Variants in TIA1 observed in about 807,000 individuals in gnomAD.
TIA1 encodes TIA1 cytotoxic granule associated RNA binding protein.
A neutral mutation model predicts 65.9 loss-of-function variants in TIA1; 23 were observed. That is an observed-to-expected ratio of 0.35 (90% confidence interval 0.25 to 0.49). The LOEUF (loss-of-function observed/expected upper bound fraction) is 0.49. TIA1 is among the 20% of genes least tolerant of loss of function. The pLI is 0.98. For missense variants in TIA1, 371 were observed against 477.9 expected, an observed-to-expected ratio of 0.78 and a Z score of 2.09; for synonymous variants, 147 against 149.4, an observed-to-expected ratio of 0.98 and a Z score of 0.12.
At chr2:70,214,651 A>AGC in intron 11 of TIA1, among the ~76,000 whole-genome samples, 157 bp from the exon 12 acceptor site, 1 of 143,270 alleles carries the variant, frequency 7.0e-6, no homozygotes, top group South Asian at 2.3e-4. Flanking sequence ...AAAAAAAAAA[A>AGC]AAAAAAACAA....
intron 1 of TIA1, among the ~76,000 whole-genome samples, chr2:70,244,606 C>T (rs954683167): frequency 6.6e-6 from 1 of 151,896 alleles, no homozygotes; most frequent in African/African-American, 2.4e-5. Flanking sequence ...GAGGCTGAGG[C>T]AGGCGGATCG....
At chr2:70,230,966 C>A in intron 2 of TIA1, 112 bp from the exon 3 acceptor site, 3 of 712,126 alleles carry the variant, frequency 4.2e-6, no homozygotes, top group South Asian at 3.9e-5. Context: ...GTTATCAGGC[C>A]ATGGAGAATG....
At chr2:70,224,401 TTAAACAGAC>T (rs1682903981) in intron 7 of TIA1, 144 bp downstream of exon 7, 1 of 1,109,792 alleles carries the variant, frequency 9.0e-7, no homozygotes, top group African/African-American at 1.6e-5. Flanking sequence ...CCAATAAATG[TTAAACAGAC>T]AAAACAGAAG....
At chr2:70,217,173 T>A in intron 7 of TIA1, 179 bp from the exon 8 acceptor site, 1 of 465,820 alleles carries the variant, frequency 2.1e-6, no homozygotes, top group Non-Finnish European at 3.4e-6. Flanking sequence ...TTTTAAATTT[T>A]ATTTTATTTA....
chr2:70,229,815 G>A (rs1269340808), intron 3 of TIA1, among the ~76,000 whole-genome samples: 1 of 151,938 alleles, frequency 6.6e-6, no homozygotes. Flanking sequence ...GTGGGTGCCT[G>A]TCATCCCAGC....
intron 7 of TIA1, among the ~76,000 whole-genome samples, chr2:70,223,046 G>A (rs1011080931): frequency 2.0e-5 from 3 of 152,342 alleles, no homozygotes; most frequent in Non-Finnish European, 2.9e-5. Flanking sequence ...TTTGACTCTA[G>A]TTCATACTAA....
At chr2:70,217,194 T>C in intron 7 of TIA1, 200 bp from the exon 8 acceptor site, 2 of 384,654 alleles carry the variant, frequency 5.2e-6, no homozygotes, top group East Asian at 4.9e-5. Context: ...TTTTTTCAGA[T>C]AGAGTCTCGC....
chr2:70,227,962 T>A, intron 5 of TIA1, 140 bp from the exon 6 acceptor site: 4 of 483,450 alleles, frequency 8.3e-6, no homozygotes, highest in East Asian at 3.7e-5. Context: ...CCTATATCTA[T>A]ACAAATCCTA....
chr2:70,238,260 GTTTTTTTTT>G (rs763865705), intron 1 of TIA1, among the ~76,000 whole-genome samples: 16 of 94,594 alleles, frequency 1.7e-4, no homozygotes, highest in Admixed American at 3.4e-4. Flanking sequence ...GTTCCCCCAA[GTTTTTTTTT>G]TTTTTTTTTT....
intron 3 of TIA1, among the ~76,000 whole-genome samples, chr2:70,229,767 T>C (rs1685335324): frequency 6.6e-6 from 1 of 151,826 alleles, no homozygotes; most frequent in African/African-American, 2.4e-5. Context: ...AGTGAAACCC[T>C]GTCTCTACAA....
intron 1 of TIA1, among the ~76,000 whole-genome samples, chr2:70,247,758 C>T (rs1376918254): frequency 6.6e-6 from 1 of 152,038 alleles, no homozygotes; most frequent in Non-Finnish European, 1.5e-5. Flanking sequence ...TTGATATATT[C>T]CTTCTGGGTG....
intron 6 of TIA1, chr2:70,225,514 T>C: frequency 9.5e-7 from 1 of 1,048,956 alleles, no homozygotes; most frequent in African/African-American, 1.7e-5. Context: ...TGCTTTTAAG[T>C]TAGTCAGGTA....
intron 11 of TIA1, 187 bp downstream of exon 11, chr2:70,215,184 G>T (rs189363421): frequency 1.5e-6 from 1 of 646,288 alleles, no homozygotes; most frequent in Admixed American, 3.3e-5. Flanking sequence ...CAATTGAGGC[G>T]GTCACATTCA....
chr2:70,229,261 T>C lies in TIA1; in HGVS notation c.277+3A>G. The C allele has an allele frequency of 6.2e-7, 1 of 1,613,838 alleles. No individual in the cohort carries two copies. Among genetic ancestry groups the C allele is most frequent in the Non-Finnish European group, 8.5e-7 (1 of 1,179,914 alleles). ...ATGTTCAAAGAGCATAAAATATACT[T>C]ACTGCTTGTATCTTTCTTTTGACTG... On this transcript the variant is annotated splice_donor_region_variant and intron_variant, in intron 4 of 12. Transcript: ENST00000433529.
Position 70,236,022 on chromosome 2 carries a change from C to T in TIA1, c.123+57G>A, listed in dbSNP as rs1688741086. ...ACTAAGAATTCCTTCCAAGCAATGG[C>T]TTTAAGTAATGTGTAAAAAAAAAAA... On this transcript the variant is annotated intron_variant, in intron 2 of 12. Transcript: ENST00000433529. The T allele has an allele frequency of 1.9e-6, 2 of 1,059,510 alleles. 1 individual carries two copies. Among genetic ancestry groups the T allele is most frequent in the East Asian group, 4.9e-5 (2 of 40,990 alleles). The allele number at this position is 1,059,510 out of a possible 1,614,324, so 65.6% of individuals were successfully genotyped here. A position where few individuals can be genotyped will look rare whatever the true frequency, so the allele number is the denominator to read the frequency against.
intron 12 of TIA1, among the ~76,000 whole-genome samples, chr2:70,213,345 CTTTTTTTTTT>C (rs746531756): frequency 1.2e-4 from 16 of 137,294 alleles, no homozygotes; most frequent in African/African-American, 3.4e-4. Context: ...CTTTTCTTTT[CTTTTTTTTTT>C]TTTTTTAAGA....
chr2:70,218,605 T>G (rs781088740), intron 7 of TIA1, among the ~76,000 whole-genome samples: 1 of 151,894 alleles, frequency 6.6e-6, no homozygotes, highest in African/African-American at 2.4e-5. Flanking sequence ...AGAGACAGGG[T>G]TTCTTTTTTA....
rs113131937 is a variant in TIA1, at chr2:70,245,353, C to T, written c.26+3052G>A. On this transcript the variant is annotated intron_variant, in intron 1 of 12. Transcript: ENST00000433529. The stretch of plus-strand genomic sequence containing the variant: ...CATCTTAGCAAATGGGAAAGCCGCA[C>T]AATAACAGTATAGTTATCTCAAAAG... 6.2e-3 allele frequency among the ~76,000 whole-genome samples: 937 copies of T among 152,242 alleles called. 11 individuals are homozygous for T. The highest frequency in any genetic ancestry group is 0.022 in the African/African-American group (900 of 41,522).
chr2:70,243,205 C>T (rs1157571692), intron 1 of TIA1, among the ~76,000 whole-genome samples: 2 of 152,124 alleles, frequency 1.3e-5, no homozygotes, highest in Admixed American at 6.5e-5. Context: ...GTGGGAAGAT[C>T]GCTTGAGCCC....
Sources: allele counts gnomAD v4.1 joint callset (sites outside exome capture counted in the v4.1 genomes callset), GRCh38; gene constraint gnomAD v4.1.1; transcripts MANE v1.5; gene names NCBI Gene and HGNC (gene_info 2026-07-23, HGNC 2026-07-21).